KALRN: variants seen among roughly 807,000 people sequenced by gnomAD.
KALRN encodes the protein kalirin RhoGEF kinase.
A neutral mutation model predicts 353.7 loss-of-function variants in KALRN; 70 were observed. That is an observed-to-expected ratio of 0.20 (90% CI 0.16 to 0.24). The LOEUF (loss-of-function observed/expected upper bound fraction) is 0.24, where lower values mean the gene tolerates loss of function less well. Ranked by LOEUF, KALRN falls within the 10% of genes least tolerant of loss-of-function variation. KALRN has a pLI of 1.00. For synonymous variants in KALRN, 1,391 were observed against 1,434.8 expected (o/e 0.97, Z 0.69); for missense variants, 2,791 against 3,756.7 (o/e 0.74, Z 6.72).
At position 124,488,264 on chromosome 3, in the gene KALRN, C is replaced by T; in HGVS notation, c.4345C>T (p.Leu1449Phe). 1 of 1,613,940 alleles carries T rather than the reference C, an allele frequency of 6.2e-7. No homozygotes were observed. The highest frequency in any genetic ancestry group is 8.5e-7 in the Non-Finnish European group (1 of 1,179,884). Residue 1449 changes from leucine (L) to phenylalanine (F), a missense_variant, in exon 29 of 60, where the codon CTC (leucine) becomes TTC (phenylalanine). Leu to Phe is a conservative substitution (Grantham distance 22). Around this residue, in one of 11 missense-constraint regions of KALRN, gnomAD observed 54 missense variants for 131.7 expected, o/e 0.41. Transcript: ENST00000682506. ...GELKDGLEVMLSVPKKANDAM... is the reference protein window; with the variant it reads ...GELKDGLEVMFSVPKKANDAM... ...GCTCAAGGATGGCCTGGAGGTGATG[C>T]TCAGTGTCCCAAAGAAAGCCAATGA...
intron 3 of KALRN, among the ~76,000 whole-genome samples, chr3:124,258,813 T>C (rs1161575292): frequency 6.6e-6 from 1 of 152,240 alleles, no homozygotes; most frequent in Non-Finnish European, 1.5e-5. Context: ...TGGTTTCACA[T>C]TGGCAGATTC....
chr3:124,555,291 C>A (rs530883589), intron 33 of KALRN, among the ~76,000 whole-genome samples: 1 of 151,978 alleles, frequency 6.6e-6, no homozygotes, highest in Non-Finnish European at 1.5e-5. Context: ...CAGCACTTTG[C>A]GAGTCCGAGG....
At chr3:124,485,232 A>G (rs1356392002) in intron 28 of KALRN, among the ~76,000 whole-genome samples, 1 of 152,238 alleles carries the variant, frequency 6.6e-6, no homozygotes, top group Non-Finnish European at 1.5e-5. Context: ...TTGTGAATTT[A>G]AAAAGGAAAA....
At chr3:124,582,097 T>G (rs1048641560) in intron 34 of KALRN, among the ~76,000 whole-genome samples, 11 of 150,926 alleles carry the variant, frequency 7.3e-5, no homozygotes, top group Non-Finnish European at 1.5e-4. Context: ...CTCCGCTCAC[T>G]GCAACCTCCG....
chr3:124,342,947 A>G (rs1240973822), intron 9 of KALRN, among the ~76,000 whole-genome samples: 1 of 152,220 alleles, frequency 6.6e-6, no homozygotes, highest in African/African-American at 2.4e-5. Context: ...TATTCAAGAC[A>G]TGCCCCTGGG....
rs796499652 is a variant in KALRN at position 124,110,315 on chromosome 3, G to A, written c.73+76502G>A. The stretch of plus-strand genomic sequence containing the variant: ...ACTTTGATATATATATGACATATAT[G>A]TCATACTTTGATATATATATGACAT... On this transcript the variant is annotated intron_variant, in intron 1 of 59. Transcript: ENST00000682506. 7.6e-3 allele frequency among the ~76,000 whole-genome samples: 635 copies of A among 83,654 alleles called. 51 individuals carry two copies. Among genetic ancestry groups the A allele is most frequent in the African/African-American group, 0.033 (599 of 17,906 alleles). 54.9% of individuals were successfully genotyped at this position (83,654 alleles called of 152,430 possible). A position where few individuals can be genotyped will look rare whatever the true frequency, so the allele number is the denominator to read the frequency against.
intron 5 of KALRN, among the ~76,000 whole-genome samples, chr3:124,279,817 G>T (rs2075162552): frequency 3.3e-5 from 5 of 152,222 alleles, no homozygotes; most frequent in Admixed American, 2.6e-4. Context: ...CATTGCACAG[G>T]TAAGTTCACA....
chr3:124,243,877 G>A (rs912748000), intron 3 of KALRN, among the ~76,000 whole-genome samples: 15 of 152,326 alleles, frequency 9.8e-5, no homozygotes, highest in African/African-American at 3.6e-4. Context: ...ACAACTGGCA[G>A]TTTCTTTCCC....
chr3:124,448,393 C>T (rs2093909578), intron 21 of KALRN, among the ~76,000 whole-genome samples: 1 of 152,132 alleles, frequency 6.6e-6, no homozygotes, highest in Non-Finnish European at 1.5e-5. Context: ...TTTTCCAATG[C>T]CTTTAGGATA....
rs527619941 is a variant in KALRN at position 124,435,635 on chromosome 3, C to T, written c.3048+1110C>T. 8.5e-5 allele frequency among the ~76,000 whole-genome samples: 13 copies of T among 152,250 alleles called. No homozygotes were observed. In the South Asian group the frequency reaches 1.0e-3, roughly 12 times the overall value. ...TTCCTTGGAGCAAATATGACATGCG[C>T]ATCAGAGGGCCCTGCAGCCAGGGTG... is the stretch of plus-strand genomic sequence containing the variant. On this transcript the variant is annotated intron_variant, in intron 17 of 59. Coordinates refer to ENST00000682506, the MANE Select transcript of KALRN (RefSeq NM_001388419.1).
rs1291664743 is a variant in KALRN at position 124,447,131 on chromosome 3, C to G, written c.3552+246C>G. On this transcript the variant is annotated intron_variant, in intron 21 of 59. Transcript: ENST00000682506. ...GCTATATACTGTGCTTCCAGATACT[C>G]ATCTTCATGCTTCAGGTTCTGGAAT... Among the ~76,000 whole-genome samples the G allele has an allele frequency of 3.2e-4, 48 of 152,306 alleles. 1 individual carries two copies. Among genetic ancestry groups the G allele is most frequent in the Admixed American group, 3.0e-3 (46 of 15,302 alleles).
chr3:124,148,191 G>A (rs1397852129), intron 1 of KALRN, among the ~76,000 whole-genome samples: 1 of 152,112 alleles, frequency 6.6e-6, no homozygotes, highest in African/African-American at 2.4e-5. Flanking sequence ...GGGGTTCAGT[G>A]GGATGATTAA....
intron 9 of KALRN, among the ~76,000 whole-genome samples, chr3:124,344,704 G>A (rs1448759266): frequency 6.6e-6 from 1 of 152,098 alleles, no homozygotes; most frequent in East Asian, 1.9e-4. Flanking sequence ...AATTTTAATG[G>A]TAGAAATTGG....
chr3:124,137,287 T>A (rs529114718), intron 1 of KALRN, among the ~76,000 whole-genome samples: 2 of 152,146 alleles, frequency 1.3e-5, no homozygotes, highest in East Asian at 3.9e-4. Flanking sequence ...GTGAGGTAAG[T>A]GTTAAGTGAT....
chr3:124,049,597 T>A (rs749131725), intron 1 of KALRN, among the ~76,000 whole-genome samples: 1 of 152,192 alleles, frequency 6.6e-6, no homozygotes, highest in Non-Finnish European at 1.5e-5. Context: ...GCTGGGGGAC[T>A]CAGATGGGAG....
chr3:124,119,819 G>A (rs559774562), intron 1 of KALRN, among the ~76,000 whole-genome samples: 8 of 152,346 alleles, frequency 5.3e-5, no homozygotes, highest in African/African-American at 1.7e-4. Flanking sequence ...GGCAAACCCT[G>A]AGACAGCTTT....
At chr3:124,554,151 T>C (rs571286295) in intron 33 of KALRN, among the ~76,000 whole-genome samples, 1 of 152,290 alleles carries the variant, frequency 6.6e-6, no homozygotes, top group South Asian at 2.1e-4. Context: ...AGCCCAGGAG[T>C]TCGAGACCAG....
intron 17 of KALRN, among the ~76,000 whole-genome samples, chr3:124,434,782 G>A (rs1261918105): frequency 1.3e-5 from 2 of 152,240 alleles, no homozygotes; most frequent in African/African-American, 4.8e-5. Flanking sequence ...GAAATTGGGT[G>A]TATACTAAAT....
At chr3:124,327,056 C>T (rs2079990122) in intron 7 of KALRN, among the ~76,000 whole-genome samples, 1 of 152,072 alleles carries the variant, frequency 6.6e-6, no homozygotes, top group South Asian at 2.1e-4. Flanking sequence ...ACATTGGTAG[C>T]TTAAAATACA....
Sources: allele counts gnomAD v4.1 joint callset (sites outside exome capture counted in the v4.1 genomes callset), GRCh38; gene constraint gnomAD v4.1.1; regional missense constraint gnomAD v4.1.1; transcripts MANE v1.5; gene names NCBI Gene and HGNC (gene_info 2026-07-23, HGNC 2026-07-21).